The following PPP2R5C variants were observed in gnomAD, a reference collection of about 807,000 sequenced individuals.
PPP2R5C encodes protein phosphatase 2 regulatory subunit B'gamma, also known as serine/threonine-protein phosphatase 2A 56 kDa regulatory subunit gamma isoform.
PPP2R5C carries 7 observed loss-of-function variants against 68.9 expected under a neutral mutation model. The observed-to-expected ratio is 0.10, with a 90% CI of 0.06 to 0.19. The LOEUF (loss-of-function observed/expected upper bound fraction) is 0.19. Ranked by LOEUF, PPP2R5C falls within the 10% of genes least tolerant of loss-of-function variation. The pLI is 1.00. For synonymous variants in PPP2R5C, 210 were observed against 222.2 expected, an observed-to-expected ratio of 0.95 and a Z score of 0.49; for missense variants, 348 against 641.3, an observed-to-expected ratio of 0.54 and a Z score of 4.94.
At chr14:101,900,068 G>T (rs555983122) in intron 8 of PPP2R5C, among the ~76,000 whole-genome samples, 16 of 151,744 alleles carry the variant, frequency 1.1e-4, no homozygotes, top group Non-Finnish European at 2.1e-4. Flanking sequence ...TAAATTTTGT[G>T]TAGAGACAGG....
chr14:101,871,015 A>G (rs1027698403), intron 2 of PPP2R5C, among the ~76,000 whole-genome samples: 4 of 152,134 alleles, frequency 2.6e-5, no homozygotes, highest in African/African-American at 9.7e-5. Context: ...CTCTTTTACC[A>G]TGATAGATAT....
intron 2 of PPP2R5C, among the ~76,000 whole-genome samples, chr14:101,861,647 GA>G: frequency 1.3e-5 from 2 of 152,302 alleles, no homozygotes; most frequent in South Asian, 2.1e-4. Flanking sequence ...ACTCTATGAT[GA>G]AATGTGAAGG....
chr14:101,910,825 G>C (rs1181401113), intron 11 of PPP2R5C, among the ~76,000 whole-genome samples: 1 of 151,200 alleles, frequency 6.6e-6, no homozygotes, highest in Admixed American at 6.6e-5. Context: ...AAAAAAGGCC[G>C]GGCATGGTGG....
intron 2 of PPP2R5C, among the ~76,000 whole-genome samples, chr14:101,782,092 TTTCTTCCCCTCCCCCCTCCCCCTCCCCC>T (rs1194597919): frequency 2.1e-5 from 1 of 46,940 alleles, no homozygotes; most frequent in East Asian, 8.8e-4. Flanking sequence ...CTCCCCACCC[TTTCTTCCCCTCCCCCCTCCCCCTCCCCC>T]TTCTTCCCCT....
chr14:101,803,507 G>A lies in PPP2R5C; in HGVS notation c.259+17324G>A, dbSNP rs190798624. ...TGGGAGGCCAAGGCAGGTGGATCACGAGGTCAGGCGATTGAGACCATCCTG... is the reference window on the plus strand; with the variant it reads ...TGGGAGGCCAAGGCAGGTGGATCACAAGGTCAGGCGATTGAGACCATCCTG... On this transcript the variant is annotated intron_variant, in intron 3 of 14. Coordinates refer to the PPP2R5C transcript ENST00000328724. Among the ~76,000 whole-genome samples the A allele has an allele frequency of 1.3e-3, 201 of 152,176 alleles. 1 individual carries two copies. The East Asian group carries it at 0.031, about 23-fold the overall frequency.
intron 2 of PPP2R5C, among the ~76,000 whole-genome samples, chr14:101,772,490 T>G (rs985149025): frequency 6.6e-6 from 1 of 152,170 alleles, no homozygotes; most frequent in South Asian, 2.1e-4. Flanking sequence ...AAATTTATTT[T>G]GGGTTAAAAA....
chr14:101,906,048 A>G lies in PPP2R5C; in HGVS notation c.1024-354A>G, dbSNP rs948098080. ...TGTTCAGTGCTGAATGCTCAGCAGAACACAGCACGCCCTCTTGACCTGACA... is the reference window on the plus strand; with the variant it reads ...TGTTCAGTGCTGAATGCTCAGCAGAGCACAGCACGCCCTCTTGACCTGACA... On this transcript the variant is annotated intron_variant, in intron 9 of 13. Transcript: ENST00000334743. This position sits in a 1 kb window ranked among gnomAD's most constrained non-coding sequence, Gnocchi z 4.0. 2.6e-5 allele frequency among the ~76,000 whole-genome samples: 4 copies of G among 152,240 alleles called. No homozygotes were observed. Among genetic ancestry groups the G allele is most frequent in the Non-Finnish European group, 4.4e-5 (3 of 68,046 alleles).
At chr14:101,865,811 C>G (rs1384397791) in intron 2 of PPP2R5C, among the ~76,000 whole-genome samples, 2 of 152,178 alleles carry the variant, frequency 1.3e-5, no homozygotes, top group African/African-American at 4.8e-5. Context: ...TCTCAGAATG[C>G]TTACCAGGGG....
chr14:101,902,278 CTG>C (rs1566955069), intron 9 of PPP2R5C, among the ~76,000 whole-genome samples: 5 of 152,214 alleles, frequency 3.3e-5, no homozygotes. Context: ...GTTCCTGACA[CTG>C]TGTAAATCTG....
At chr14:101,864,540 G>A (rs1356499552) in intron 2 of PPP2R5C, among the ~76,000 whole-genome samples, 1 of 152,188 alleles carries the variant, frequency 6.6e-6, no homozygotes, top group Non-Finnish European at 1.5e-5. Context: ...GTCAGTGTAA[G>A]GTCTGGTAAG....
chr14:101,845,248 A>G (rs939065299), intron 1 of PPP2R5C, among the ~76,000 whole-genome samples: 1 of 152,148 alleles, frequency 6.6e-6, no homozygotes, highest in East Asian at 1.9e-4. Context: ...TGTCCACAGG[A>G]GATTTTACAG....
intron 2 of PPP2R5C, among the ~76,000 whole-genome samples, chr14:101,775,991 G>C (rs1566826972): frequency 6.6e-6 from 1 of 151,826 alleles, no homozygotes; most frequent in East Asian, 1.9e-4. Context: ...TTGAGTGGCC[G>C]ACAAGTGTCT....
chr14:101,922,365 T>C (rs2047056853), intron 13 of PPP2R5C, among the ~76,000 whole-genome samples: 1 of 152,194 alleles, frequency 6.6e-6, no homozygotes, highest in Admixed American at 6.5e-5. Context: ...GGCAGGCACC[T>C]GTAATCCCAG....
At chr14:101,780,486 G>A (rs1035180699) in intron 2 of PPP2R5C, among the ~76,000 whole-genome samples, 7 of 152,190 alleles carry the variant, frequency 4.6e-5, no homozygotes, top group African/African-American at 1.7e-4. Flanking sequence ...CTTGGGGGGA[G>A]GGGCTGCTTG....
chr14:101,829,870 T>A (rs2040632074), intron 1 of PPP2R5C, among the ~76,000 whole-genome samples: 1 of 152,206 alleles, frequency 6.6e-6, no homozygotes, highest in Non-Finnish European at 1.5e-5. Flanking sequence ...GTCGCTGTCG[T>A]ATTTTTCTTT....
chr14:101,808,581 G>C (rs1705742233), upstream of PPP2R5C, among the ~76,000 whole-genome samples: 2 of 152,238 alleles, frequency 1.3e-5, no homozygotes, highest in African/African-American at 4.8e-5. Flanking sequence ...CTTACTCATT[G>C]AATGTATCTG....
chr14:101,820,219 T>C (rs1312678870), intron 1 of PPP2R5C: 1 of 152,218 alleles, frequency 6.6e-6, no homozygotes, highest in Non-Finnish European at 1.5e-5. Context: ...CGACACTGTT[T>C]TTGGCCCATG....
chr14:101,857,042 G>A (rs2042460116), intron 2 of PPP2R5C, among the ~76,000 whole-genome samples, 157 bp downstream of exon 4: 1 of 152,028 alleles, frequency 6.6e-6, no homozygotes. Context: ...TTTGTATCCT[G>A]GATTGTAATG....
At position 101,877,433 on chromosome 14, in the gene PPP2R5C, G is replaced by C. The variant is rs2043853517; in HGVS notation, c.295-4728G>C. 6.6e-6 allele frequency among the ~76,000 whole-genome samples: 1 copy of C among 152,162 alleles called. No homozygotes were observed. Among genetic ancestry groups the C allele is most frequent in the Non-Finnish European group, 1.5e-5 (1 of 68,024 alleles). ...CTGGATCCGTAGGTCTCATTTGAGAGATCACAGTGACCCTGTGTGCTGCCC... is the reference window on the plus strand; with the variant it reads ...CTGGATCCGTAGGTCTCATTTGAGACATCACAGTGACCCTGTGTGCTGCCC... On this transcript the variant is annotated intron_variant, in intron 2 of 13. Coordinates refer to ENST00000334743, the Ensembl canonical transcript of PPP2R5C. The surrounding 1 kb of genome is among the most constrained non-coding windows in gnomAD (Gnocchi z 4.2).
Sources: allele counts gnomAD v4.1 joint callset (sites outside exome capture counted in the v4.1 genomes callset), GRCh38; gene constraint gnomAD v4.1.1; non-coding constraint Gnocchi (gnomAD v3.1); transcripts MANE v1.5; gene names NCBI Gene and HGNC (gene_info 2026-07-23, HGNC 2026-07-21).